The following TTLL7 variants were observed in gnomAD, a reference collection of about 807,000 sequenced individuals.
TTLL7 encodes tubulin tyrosine ligase like 7.
TTLL7 carries 53 observed loss-of-function variants against 120.2 expected under a neutral mutation model. That is an observed-to-expected ratio of 0.44 (90% confidence interval 0.35 to 0.55). The LOEUF (loss-of-function observed/expected upper bound fraction) is 0.55. TTLL7 is among the 20% of genes least tolerant of loss of function. The probability of loss-of-function intolerance (pLI) is 0.00; values close to 1 mark genes in which losing one functional copy is unlikely to be tolerated. For synonymous variants in TTLL7, 353 were observed against 351.7 expected (o/e 1.00, Z -0.04); for missense variants, 803 against 1,054.7 (o/e 0.76, Z 3.31).
chr1:83,890,741 A>G (rs1386852462), intron 18 of TTLL7, among the ~76,000 whole-genome samples: 1 of 152,098 alleles, frequency 6.6e-6, no homozygotes, highest in Admixed American at 6.6e-5. Context: ...AAGTAAAAGA[A>G]ATAAAAATAA....
intron 1 of TTLL7, among the ~76,000 whole-genome samples, chr1:83,954,069 G>T (rs551418115): frequency 1.3e-5 from 2 of 152,254 alleles, no homozygotes; most frequent in South Asian, 4.1e-4. Flanking sequence ...AACTATTTGA[G>T]TTTACAAGTT....
At chr1:83,922,973 G>T (rs1658811473) in intron 10 of TTLL7, among the ~76,000 whole-genome samples, 1 of 150,600 alleles carries the variant, frequency 6.6e-6, no homozygotes, top group Non-Finnish European at 1.5e-5. Flanking sequence ...ATGCTCTGGT[G>T]ACTAATTCAA....
At position 83,999,002 on chromosome 1, in the gene TTLL7, C is replaced by G. The variant is rs762551278; in HGVS notation, c.-248G>C. ...CGGTCCCCCAGGTGCTCCCGCGCCT[C>G]GCAGCTTCCCCGTGGGCGGCCGCCC... On this transcript the variant is annotated 5_prime_UTR_variant, in exon 1 of 21. Transcript: ENST00000260505. The G allele has an allele frequency of 1.3e-5, 6 of 444,480 alleles. No individual in the cohort carries two copies. Among genetic ancestry groups the G allele is most frequent in the South Asian group, 9.6e-5 (6 of 62,568 alleles). 27.5% of individuals were successfully genotyped at this position (444,480 alleles called of 1,614,324 possible).
intron 20 of TTLL7, among the ~76,000 whole-genome samples, chr1:83,873,243 A>C (rs1383205017): frequency 2.6e-5 from 4 of 152,196 alleles, no homozygotes; most frequent in Non-Finnish European, 4.4e-5. Context: ...TTACATTGGA[A>C]GAAACACTTT....
At chr1:83,892,693 A>AACATATGAACATATATATGTGAAC (rs1557567389) in intron 18 of TTLL7, among the ~76,000 whole-genome samples, 389 of 148,634 alleles carry the variant, frequency 2.6e-3, no homozygotes, top group African/African-American at 9.0e-3. Context: ...CATATATATG[A>AACATATGAACATATATATGTGAAC]ACATATATAT....
At chr1:83,912,539 T>G (rs556090306) in intron 14 of TTLL7, 1 of 152,276 alleles carries the variant, frequency 6.6e-6, no homozygotes, top group South Asian at 2.1e-4. Context: ...GATGTTAGCA[T>G]ACACTATAAT....
chr1:83,924,987 A>T (rs1250734258), intron 10 of TTLL7, among the ~76,000 whole-genome samples: 1 of 152,154 alleles, frequency 6.6e-6, no homozygotes, highest in Admixed American at 6.5e-5. Context: ...AATTCTAAGG[A>T]GTTTAAACTT....
chr1:83,988,525 C>T (rs1652691527), intron 1 of TTLL7, among the ~76,000 whole-genome samples: 1 of 152,210 alleles, frequency 6.6e-6, no homozygotes, highest in African/African-American at 2.4e-5. Flanking sequence ...GTTCTCTTTT[C>T]TCTGCAGCCT....
intron 1 of TTLL7, among the ~76,000 whole-genome samples, chr1:83,986,906 A>G (rs1481619288): frequency 1.3e-5 from 2 of 152,216 alleles, no homozygotes; most frequent in Non-Finnish European, 2.9e-5. Flanking sequence ...AACATAGTAC[A>G]GGAAGTTCCA....
At chr1:83,890,935 G>T (rs1048306025) in intron 18 of TTLL7, among the ~76,000 whole-genome samples, 2 of 151,990 alleles carry the variant, frequency 1.3e-5, no homozygotes, top group African/African-American at 4.8e-5. Flanking sequence ...ATGAAGAAAA[G>T]ATAAAGCTGA....
At chr1:83,919,672 T>C (rs2100792141) in intron 13 of TTLL7, 27 bp downstream of exon 13, 2 of 1,578,412 alleles carry the variant, frequency 1.3e-6, no homozygotes, top group South Asian at 1.2e-5. Context: ...TATTCTTTTT[T>C]CTCTATATAA....
At chr1:83,875,321 T>G (rs1653830914) in intron 20 of TTLL7, among the ~76,000 whole-genome samples, 1 of 152,014 alleles carries the variant, frequency 6.6e-6, no homozygotes, top group Non-Finnish European at 1.5e-5. Flanking sequence ...TTATTTTGCT[T>G]AACTTTATGT....
At chr1:83,972,454 G>A (rs974562936) in intron 1 of TTLL7, among the ~76,000 whole-genome samples, 1 of 151,988 alleles carries the variant, frequency 6.6e-6, no homozygotes, top group Non-Finnish European at 1.5e-5. Flanking sequence ...TCTTTTCAGT[G>A]CTAGATAATA....
chr1:83,916,383 T>C (rs1278574539), intron 14 of TTLL7, among the ~76,000 whole-genome samples: 3 of 151,114 alleles, frequency 2.0e-5, no homozygotes, highest in Admixed American at 6.7e-5. Flanking sequence ...CAGCAAACTA[T>C]TGCAAGGACA....
Position 83,921,134 on chromosome 1 carries a change from C to T in TTLL7, c.1317G>A (p.Lys439=). The T allele has an allele frequency of 6.2e-7, 1 of 1,613,304 alleles. No individual in the cohort carries two copies. The highest frequency in any genetic ancestry group is 1.7e-5 in the Admixed American group (1 of 59,928). The change falls in exon 12 of 21, where the codon AAG becomes AAA. Residue 439 remains lysine (K), a synonymous_variant. Coordinates refer to ENST00000260505, the MANE Select transcript of TTLL7 (RefSeq NM_024686.6). ...ELKERLAQVR[K]QISREEHENR... is the part of the protein sequence containing the mutation. ...TTTCATGTTCTTCTCGTGAGATCTG[C>T]TTTCGTACTTGAGCGAGTCTCTCTT... is the stretch of plus-strand genomic sequence containing the variant.
chr1:83,920,176 C>T (rs943501926), intron 12 of TTLL7, among the ~76,000 whole-genome samples: 2 of 151,964 alleles, frequency 1.3e-5, no homozygotes, highest in African/African-American at 4.8e-5. Flanking sequence ...GGCACAAATC[C>T]ACAAACAAAG....
intron 1 of TTLL7, among the ~76,000 whole-genome samples, chr1:83,966,436 G>A (rs934912903): frequency 8.6e-5 from 13 of 151,316 alleles, no homozygotes; most frequent in Admixed American, 1.3e-4. Context: ...GAATAACCCC[G>A]ACTAATACAT....
intron 1 of TTLL7, among the ~76,000 whole-genome samples, chr1:83,988,202 A>T (rs929181412): frequency 1.3e-5 from 2 of 152,242 alleles, no homozygotes; most frequent in Non-Finnish European, 2.9e-5. Flanking sequence ...ATGTTGCTGC[A>T]AAAGATATCT....
chr1:83,964,952 A>T (rs1211824844), intron 1 of TTLL7, among the ~76,000 whole-genome samples: 2 of 152,084 alleles, frequency 1.3e-5, no homozygotes, highest in African/African-American at 2.4e-5. Flanking sequence ...CATATATGCA[A>T]GTCTTACTAG....
Sources: gnomAD v4.1 joint callset for allele counts (sites outside exome capture counted in the v4.1 genomes callset) on GRCh38, gnomAD v4.1.1 for gene constraint, MANE v1.5 for transcripts, NCBI Gene and HGNC (gene_info 2026-07-23, HGNC 2026-07-21) for gene names.